SHQ1: variants seen among roughly 807,000 people sequenced by gnomAD.
The protein encoded by SHQ1 is SHQ1, H/ACA ribonucleoprotein assembly factor, also known as protein SHQ1 homolog.
SHQ1 carries 49 observed loss-of-function variants against 53.8 expected under a neutral mutation model. The observed-to-expected ratio is 0.91, with a 90% CI of 0.72 to 1.16. SHQ1 has a LOEUF of 1.16. Among genes scored for constraint, SHQ1 ranks in the 50% most tolerant of loss-of-function variants. The pLI, the probability that SHQ1 is intolerant of heterozygous loss-of-function variation, is 0.00. For missense variants in SHQ1, 738 were observed against 683.1 expected (o/e 1.08, Z -0.90); for synonymous variants, 243 against 251.0 (o/e 0.97, Z 0.30).
chr3:72,848,387 C>T lies in SHQ1; in HGVS notation c.-47G>A, dbSNP rs1418393145. The T allele has an allele frequency of 1.9e-6, 3 of 1,605,540 alleles. No homozygotes were observed. Among genetic ancestry groups the T allele is most frequent in the Non-Finnish European group, 2.6e-6 (3 of 1,175,514 alleles). On this transcript the variant is annotated 5_prime_UTR_variant, in exon 1 of 11. Coordinates refer to ENST00000325599, the MANE Select transcript of SHQ1 (RefSeq NM_018130.3). Reference sequence around the variant, plus strand: ...CGGCGCCGCTCGCTCTCACTGCCGCCGCGTTCCCGCCACGCAAACTCTCCA... The same window carrying T: ...CGGCGCCGCTCGCTCTCACTGCCGCTGCGTTCCCGCCACGCAAACTCTCCA...
At position 72,767,016 on chromosome 3, in the gene SHQ1, C is replaced by G. The variant is rs545186600; in HGVS notation, c.1182-16180G>C. 2.6e-5 allele frequency among the ~76,000 whole-genome samples: 4 copies of G among 152,272 alleles called. No individual in the cohort carries two copies. The South Asian group carries it at 6.2e-4, about 24-fold the overall frequency. On this transcript the variant is annotated intron_variant, in intron 10 of 10. Transcript: ENST00000325599. Reference sequence around the variant, plus strand: ...CCACATGTGGCAATGAATACCAAATCAGACCACACAGATCTAATCTAAAGC... The same window carrying G: ...CCACATGTGGCAATGAATACCAAATGAGACCACACAGATCTAATCTAAAGC...
intron 8 of SHQ1, among the ~76,000 whole-genome samples, chr3:72,813,070 C>T (rs1393515031): frequency 6.6e-6 from 1 of 152,166 alleles, no homozygotes; most frequent in African/African-American, 2.4e-5. Context: ...AAATAAGAAT[C>T]TAAAACACAT....
the SHQ1 span, among the ~76,000 whole-genome samples, chr3:72,741,819 T>C: frequency 6.6e-6 from 1 of 152,030 alleles, no homozygotes; most frequent in Non-Finnish European, 1.5e-5. Flanking sequence ...AATAATAAAA[T>C]ACAATAAAAA....
intron 10 of SHQ1, among the ~76,000 whole-genome samples, chr3:72,788,138 C>T (rs912966185): frequency 1.3e-5 from 2 of 152,144 alleles, no homozygotes; most frequent in Middle Eastern, 3.2e-3. Context: ...GCCGCCACCC[C>T]GTCTAGTAAG....
intron 10 of SHQ1, among the ~76,000 whole-genome samples, chr3:72,780,727 T>A (rs1352240447): frequency 6.6e-6 from 1 of 152,154 alleles, no homozygotes; most frequent in Admixed American, 6.5e-5. Context: ...AAAAGAGACA[T>A]CACTTTTCAC....
At position 72,781,053 on chromosome 3, in the gene SHQ1, CT is replaced by C. The variant is rs1289843504; in HGVS notation, c.1181+11862del. ...TGTGCACTCAAGGCAATTTTCTTCT[CT>C]TTTTTTTTTTCTTTTTTTTTTTTTT... On this transcript the variant is annotated intron_variant, in intron 10 of 10. Coordinates refer to ENST00000325599, the MANE Select transcript of SHQ1 (RefSeq NM_018130.3). 4.2e-4 allele frequency among the ~76,000 whole-genome samples: 60 copies of C among 141,634 alleles called. 1 individual carries two copies. The highest frequency in any genetic ancestry group is 3.4e-3 in the South Asian group (15 of 4,408). The allele number at this position is 141,634 out of a possible 152,430, so 92.9% of individuals were successfully genotyped here. A position where few individuals can be genotyped will look rare whatever the true frequency, so the allele number is the denominator to read the frequency against.
downstream of SHQ1, among the ~76,000 whole-genome samples, chr3:72,748,329 C>CAAAAAAAAAAAAAAAAAA (rs572927520): frequency 1.4e-4 from 8 of 58,760 alleles, 1 homozygote; most frequent in African/African-American, 2.0e-4. Context: ...ATGAGGCATG[C>CAAAAAAAAAAAAAAAAAA]AAAAAAAAAA....
the SHQ1 span, among the ~76,000 whole-genome samples, chr3:72,727,286 G>A: frequency 1.3e-5 from 2 of 152,082 alleles, no homozygotes; most frequent in African/African-American, 4.8e-5. Context: ...CACAAACATG[G>A]CTTCAAAGCA....
At chr3:72,846,660 T>A (rs1708339422) in intron 1 of SHQ1, among the ~76,000 whole-genome samples, 1 of 152,180 alleles carries the variant, frequency 6.6e-6, no homozygotes. Flanking sequence ...AAGGTCTATG[T>A]TCCCTCCCCT....
chr3:72,752,063 G>A (rs62251639), intron 10 of SHQ1, among the ~76,000 whole-genome samples: 35,358 of 151,964 alleles, frequency 0.23, 4,312 homozygotes, highest in Non-Finnish European at 0.25. Flanking sequence ...ATGGGAAACA[G>A]CCAAATGTCC....
In SHQ1 at chr3:72,792,806, A is replaced by C. The variant is rs892538930; in HGVS notation, c.1181+110T>G. 6.2e-6 allele frequency: 5 copies of C among 802,414 alleles called. No individual in the cohort carries two copies. In the Admixed American group the frequency reaches 1.3e-4, roughly 21 times the overall value. 49.7% of individuals were successfully genotyped at this position (802,414 alleles called of 1,614,324 possible). On this transcript the variant is annotated intron_variant, in intron 10 of 10. Coordinates refer to ENST00000325599, the MANE Select transcript of SHQ1 (RefSeq NM_018130.3). ...TCTCAAAAAAAAAAAAAAAAAAAAAAAAAAACACAACTTACTCCTCAGGTT... is the reference window on the plus strand; with the variant it reads ...TCTCAAAAAAAAAAAAAAAAAAAAACAAAAACACAACTTACTCCTCAGGTT...
intron 2 of SHQ1, 52 bp from the exon 3 acceptor site, chr3:72,842,454 C>A (rs770043376): frequency 6.5e-7 from 1 of 1,544,650 alleles, no homozygotes; most frequent in Non-Finnish European, 8.8e-7. Context: ...AAAAGCTGGG[C>A]ACAATAGCTT....
At chr3:72,783,992 C>T (rs906329743) in intron 10 of SHQ1, among the ~76,000 whole-genome samples, 1 of 152,012 alleles carries the variant, frequency 6.6e-6, no homozygotes, top group African/African-American at 2.4e-5. Flanking sequence ...ATAATAACAT[C>T]AATATTCGTT....
Position 72,844,420 on chromosome 3 carries a change from T to G in SHQ1, c.147A>C (p.Leu49Phe). 1.9e-6 allele frequency: 3 copies of G among 1,613,562 alleles called. No individual in the cohort carries two copies. Among genetic ancestry groups the G allele is most frequent in the Non-Finnish European group, 2.5e-6 (3 of 1,179,566 alleles). Residue 49 changes from leucine to phenylalanine, a missense_variant, in exon 2 of 11, where the codon TTA (leucine) becomes TTC (phenylalanine). Transcript: ENST00000325599. ...KFYAKPYFLR[L>F]TLPGRIVENG... ...TTTCTACAATTCTTCCAGGAAGGGT[T>G]AATCTGCAGATTTAACACAGGTCTC...
intron 10 of SHQ1, among the ~76,000 whole-genome samples, chr3:72,788,054 C>T (rs899262623): frequency 3.6e-4 from 55 of 152,294 alleles, no homozygotes; most frequent in African/African-American, 1.3e-3. Flanking sequence ...GGCGTGATCT[C>T]GGCTCGCTAC....
chr3:72,772,452 G>T, intron 10 of SHQ1: 1 of 433,516 alleles, frequency 2.3e-6, no homozygotes, highest in South Asian at 2.0e-5. Context: ...GAGATTGTCA[G>T]ATGTTCACTC....
chr3:72,736,042 T>C, the SHQ1 span, among the ~76,000 whole-genome samples: 1 of 152,070 alleles, frequency 6.6e-6, no homozygotes, highest in African/African-American at 2.4e-5. Flanking sequence ...TCAGAAAAAG[T>C]ATCATTTCTA....
At chr3:72,758,815 C>T (rs1213652963) in intron 10 of SHQ1, among the ~76,000 whole-genome samples, 1 of 152,170 alleles carries the variant, frequency 6.6e-6, no homozygotes, top group Non-Finnish European at 1.5e-5. Context: ...GATCTGCCTG[C>T]CTTGGCCTTC....
intron 10 of SHQ1, among the ~76,000 whole-genome samples, chr3:72,764,357 T>A (rs1015205354): frequency 6.6e-6 from 1 of 152,148 alleles, no homozygotes; most frequent in Non-Finnish European, 1.5e-5. Context: ...TACTAAGGTT[T>A]GAAGTATTCA....
Sources: allele counts gnomAD v4.1 joint callset (sites outside exome capture counted in the v4.1 genomes callset), GRCh38; gene constraint gnomAD v4.1.1; transcripts MANE v1.5; gene names NCBI Gene and HGNC (gene_info 2026-07-23, HGNC 2026-07-21).